Variants in TTL observed in about 807,000 individuals in gnomAD.
The protein encoded by TTL is tubulin tyrosine ligase.
TTL carries 10 observed loss-of-function variants against 41.1 expected under a neutral mutation model. That is an observed-to-expected ratio of 0.24 (90% CI 0.15 to 0.41). The LOEUF (loss-of-function observed/expected upper bound fraction) is 0.41, where lower values mean the gene tolerates loss of function less well. TTL is among the 10% of genes least tolerant of loss of function. TTL has a pLI of 1.00. For missense variants in TTL, 367 were observed against 460.4 expected, an observed-to-expected ratio of 0.80 and a Z score of 1.86; for synonymous variants, 175 against 175.5, an observed-to-expected ratio of 1.00 and a Z score of 0.02.
intron 3 of TTL, among the ~76,000 whole-genome samples, chr2:112,496,992 T>G (rs994709635): frequency 2.6e-5 from 4 of 152,006 alleles, no homozygotes; most frequent in African/African-American, 7.3e-5. Flanking sequence ...GGCTAATTTT[T>G]TGTACTTTTA....
Position 112,539,354 on chromosome 2 carries a change from GTTTT to G in TTL, c.*10563_*10566del, listed in dbSNP as rs915013513. ...AGAAGGGGAAAAGAAAGAATGCAAG[GTTTT>G]TTTAACATACAAAATTTACTTAATA... On this transcript the variant is annotated 3_prime_UTR_variant, in exon 7 of 7. Coordinates refer to ENST00000233336, the MANE Select transcript of TTL (RefSeq NM_153712.5). The G allele has an allele frequency of 6.6e-6, 1 of 150,946 alleles. No homozygotes were observed. The highest frequency in any genetic ancestry group is 1.5e-5 in the Non-Finnish European group (1 of 67,882). The allele number at this position is 150,946 out of a possible 1,614,324, so 9.4% of individuals were successfully genotyped here.
chr2:112,531,815 G>A lies in TTL; in HGVS notation c.*3020G>A, dbSNP rs1285393238. 9.0e-6 allele frequency: 2 copies of A among 223,130 alleles called. No individual in the cohort carries two copies. Among genetic ancestry groups the A allele is most frequent in the Non-Finnish European group, 1.8e-5 (2 of 111,808 alleles). 13.8% of individuals were successfully genotyped at this position (223,130 alleles called of 1,614,324 possible). The stretch of plus-strand genomic sequence containing the variant: ...CTGTTTGCTTGTCATAGCAGCATTT[G>A]GAAACTCAAACATGCTTTCATTTAC... On this transcript the variant is annotated 3_prime_UTR_variant, in exon 7 of 7. Coordinates refer to ENST00000233336, the MANE Select transcript of TTL (RefSeq NM_153712.5).
intron 6 of TTL, chr2:112,521,241 G>A (rs913073014): frequency 2.0e-6 from 2 of 985,378 alleles, no homozygotes; most frequent in Non-Finnish European, 2.4e-6. Context: ...ATGCCCAGAG[G>A]AACAGAAGCT....
intron 4 of TTL, among the ~76,000 whole-genome samples, chr2:112,502,087 T>C (rs1681716092): frequency 6.6e-6 from 1 of 152,144 alleles, no homozygotes; most frequent in Non-Finnish European, 1.5e-5. Flanking sequence ...GGATTTTAAG[T>C]TTCTGAGCAA....
intron 2 of TTL, among the ~76,000 whole-genome samples, chr2:112,493,786 C>A (rs1190610802): frequency 6.6e-6 from 1 of 152,110 alleles, no homozygotes; most frequent in Non-Finnish European, 1.5e-5. Context: ...TCCTCTCTTC[C>A]CCATTTCATT....
chr2:112,521,140 G>A lies in TTL; in HGVS notation c.1019+715G>A, dbSNP rs557228889. ...CTGGGGTGCAAGAAAAGAGGGTTCC[G>A]CTGCACCAAAGGTTGGTGGGGAGAG... is the stretch of plus-strand genomic sequence containing the variant. On this transcript the variant is annotated intron_variant, in intron 6 of 6. Coordinates refer to ENST00000233336, the MANE Select transcript of TTL (RefSeq NM_153712.5). The A allele has an allele frequency of 8.0e-5, 78 of 977,626 alleles. No individual in the cohort carries two copies. In the African/African-American group the frequency reaches 9.4e-4, roughly 12 times the overall value. The allele number at this position is 977,626 out of a possible 1,614,324, so 60.6% of individuals were successfully genotyped here. A position where few individuals can be genotyped will look rare whatever the true frequency, so the allele number is the denominator to read the frequency against.
At position 112,482,317 on chromosome 2, in the gene TTL, C is replaced by T. The variant is rs765958388; in HGVS notation, c.-28C>T. 7 of 1,465,812 alleles carry T rather than the reference C, an allele frequency of 4.8e-6. No individual in the cohort carries two copies. Among genetic ancestry groups the T allele is most frequent in the African/African-American group, 3.0e-5 (2 of 67,790 alleles). The allele number at this position is 1,465,812 out of a possible 1,614,324, so 90.8% of individuals were successfully genotyped here. A position where few individuals can be genotyped will look rare whatever the true frequency, so the allele number is the denominator to read the frequency against. ...CCGCCTGGTCCCTGCGGCGGCTGCC[C>T]GGCGGCCCGGGCGCGCGGCGCTTCG... On this transcript the variant is annotated 5_prime_UTR_variant, in exon 1 of 7. Transcript: ENST00000233336. The surrounding 1 kb of genome is among the most constrained non-coding windows in gnomAD (Gnocchi z 5.3).
In TTL at chr2:112,482,297, T is replaced by TGGTCCCTGCGGCGGCTGCCC; in HGVS notation, c.-45_-26dup. ...GCGCTGAGCCGCCTTCTCGGCCGCC[T>TGGTCCCTGCGGCGGCTGCCC]GGTCCCTGCGGCGGCTGCCCGGCGG... is the stretch of plus-strand genomic sequence containing the variant. On this transcript the variant is annotated 5_prime_UTR_variant, in exon 1 of 7. Transcript: ENST00000233336. This position sits in a 1 kb window ranked among gnomAD's most constrained non-coding sequence, Gnocchi z 5.3. The TGGTCCCTGCGGCGGCTGCCC allele has an allele frequency of 7.3e-7, 1 of 1,361,958 alleles. No homozygotes were observed. The highest frequency in any genetic ancestry group is 1.5e-5 in the African/African-American group (1 of 64,764). 84.4% of individuals were successfully genotyped at this position (1,361,958 alleles called of 1,614,324 possible).
Position 112,531,746 on chromosome 2 carries a change from C to T in TTL, c.*2951C>T, listed in dbSNP as rs753743655. 14 of 222,720 alleles carry T rather than the reference C, an allele frequency of 6.3e-5. No individual in the cohort carries two copies. The highest frequency in any genetic ancestry group is 9.9e-5 in the Non-Finnish European group (11 of 111,576). 13.8% of individuals were successfully genotyped at this position (222,720 alleles called of 1,614,324 possible). On this transcript the variant is annotated 3_prime_UTR_variant, in exon 7 of 7. Coordinates refer to ENST00000233336, the MANE Select transcript of TTL (RefSeq NM_153712.5). ...TTCTTTAAGGATGACCGGATGTTGC[C>T]GTATGTATTTATGGCACAAGCAGGT...
chr2:112,502,510 G>A (rs541962884), intron 4 of TTL, among the ~76,000 whole-genome samples: 46 of 151,950 alleles, frequency 3.0e-4, no homozygotes, highest in South Asian at 2.1e-3. Flanking sequence ...GGTGGCATGC[G>A]CCTGTAATCC....
chr2:112,532,914 C>G lies in TTL; in HGVS notation c.*4119C>G, dbSNP rs1008214322. 1 of 152,206 alleles carries G rather than the reference C, an allele frequency of 6.6e-6. No homozygotes were observed. Among genetic ancestry groups the G allele is most frequent in the Non-Finnish European group, 1.5e-5 (1 of 68,052 alleles). 9.4% of individuals were successfully genotyped at this position (152,206 alleles called of 1,614,324 possible). On this transcript the variant is annotated 3_prime_UTR_variant, in exon 7 of 7. Coordinates refer to ENST00000233336, the MANE Select transcript of TTL (RefSeq NM_153712.5). Reference sequence around the variant, plus strand: ...TGAGACTATTTCAGCTGCCAAAGTCCCAGCCCATCGTTTCTTACGTGTCTT... The same window carrying G: ...TGAGACTATTTCAGCTGCCAAAGTCGCAGCCCATCGTTTCTTACGTGTCTT...
At position 112,486,066 on chromosome 2, in the gene TTL, T is replaced by G. The variant is rs559984002; in HGVS notation, c.236+71T>G. On this transcript the variant is annotated intron_variant, in intron 2 of 6. Coordinates refer to ENST00000233336, the MANE Select transcript of TTL (RefSeq NM_153712.5). ...ACTTAGGCAAAAATGTGGGGTTGTT[T>G]AAAGGACAAACATACTTTTATTTTA... 1.1e-4 allele frequency: 154 copies of G among 1,447,134 alleles called. 1 individual carries two copies. In the South Asian group the frequency reaches 1.7e-3, roughly 16 times the overall value. 89.6% of individuals were successfully genotyped at this position (1,447,134 alleles called of 1,614,324 possible).
At chr2:112,495,359 T>C (rs1309193553) in intron 3 of TTL, among the ~76,000 whole-genome samples, 1 of 152,226 alleles carries the variant, frequency 6.6e-6, no homozygotes, top group Admixed American at 6.5e-5. Context: ...TTCTGTAGGC[T>C]TCACACAAAC....
chr2:112,514,250 T>C (rs868251999), intron 5 of TTL, among the ~76,000 whole-genome samples: 1 of 151,978 alleles, frequency 6.6e-6, no homozygotes, highest in Non-Finnish European at 1.5e-5. Context: ...GGCATGGTGG[T>C]GCACACCTGT....
chr2:112,523,182 C>T (rs575253051), intron 6 of TTL, among the ~76,000 whole-genome samples: 1 of 152,320 alleles, frequency 6.6e-6, no homozygotes, highest in Admixed American at 6.5e-5. Flanking sequence ...CCACCACCAC[C>T]AGCCTTACCG....
chr2:112,491,009 T>C (rs979291597), intron 2 of TTL, among the ~76,000 whole-genome samples: 17 of 152,124 alleles, frequency 1.1e-4, no homozygotes, highest in African/African-American at 3.9e-4. Context: ...CGTGTGTGTG[T>C]GTGTTGGAGT....
At chr2:112,522,577 C>T (rs1682269284) in intron 6 of TTL, 1 of 152,354 alleles carries the variant, frequency 6.6e-6, no homozygotes, top group African/African-American at 2.4e-5. Context: ...TGTATGTGAT[C>T]TCATCCAACT....
rs1368449981 is a variant in TTL at position 112,540,438 on chromosome 2, A to AAC, written c.*11644_*11645insCA. ...TGTCTCAAAAAAACAAAAAACAAAA[A>AAC]AAAAAAAAAAAGAGAAAGAAATTGA... On this transcript the variant is annotated 3_prime_UTR_variant, in exon 7 of 7. Coordinates refer to ENST00000233336, the MANE Select transcript of TTL (RefSeq NM_153712.5). 7.9e-6 allele frequency: 1 copy of AAC among 127,224 alleles called. No homozygotes were observed. Among genetic ancestry groups the AAC allele is most frequent in the African/African-American group, 2.5e-5 (1 of 40,474 alleles). 7.9% of individuals were successfully genotyped at this position (127,224 alleles called of 1,614,324 possible). A position where few individuals can be genotyped will look rare whatever the true frequency, so the allele number is the denominator to read the frequency against.
chr2:112,513,025 T>G (rs1016880299), intron 5 of TTL, among the ~76,000 whole-genome samples: 2 of 152,042 alleles, frequency 1.3e-5, no homozygotes, highest in African/African-American at 4.8e-5. Flanking sequence ...TTTCACAGCC[T>G]TCTTAGAGTT....
Sources: gnomAD v4.1 joint callset for allele counts (sites outside exome capture counted in the v4.1 genomes callset) on GRCh38, gnomAD v4.1.1 for gene constraint, Gnocchi (gnomAD v3.1) non-coding constraint, MANE v1.5 for transcripts, NCBI Gene and HGNC (gene_info 2026-07-23, HGNC 2026-07-21) for gene names.